Variants in KALRN observed in about 807,000 individuals in gnomAD.
KALRN encodes kalirin RhoGEF kinase, also known as kalirin.
In KALRN, 70 loss-of-function variants were observed where a neutral mutation model predicts 353.7. That is an observed-to-expected ratio of 0.20 (90% CI 0.16 to 0.24). The LOEUF (loss-of-function observed/expected upper bound fraction) is 0.24, where lower values mean the gene tolerates loss of function less well. Among genes scored for constraint, KALRN ranks in the 10% least tolerant of loss-of-function variants. The pLI, the probability that KALRN is intolerant of heterozygous loss-of-function variation, is 1.00. For missense variants in KALRN, 2,791 were observed against 3,756.7 expected (o/e 0.74, Z 6.72); for synonymous variants, 1,391 against 1,434.8 (o/e 0.97, Z 0.69).
At chr3:124,619,306 ATTCC>A (rs2079008068) in intron 34 of KALRN, among the ~76,000 whole-genome samples, 1 of 152,024 alleles carries the variant, frequency 6.6e-6, no homozygotes, top group Non-Finnish European at 1.5e-5. Flanking sequence ...CAGTTTCTTT[ATTCC>A]TTGGTTTGTT....
In KALRN at chr3:124,719,013, T is replaced by C. The variant is rs1365393077; in HGVS notation, c.8504T>C (p.Phe2835Ser). 1 of 1,614,000 alleles carries C rather than the reference T, an allele frequency of 6.2e-7. No homozygotes were observed. The highest frequency in any genetic ancestry group is 8.5e-7 in the Non-Finnish European group (1 of 1,180,020). The stretch of plus-strand genomic sequence containing the variant: ...GATGCTGTCCAGATCTCGGGTCACT[T>C]CCACATTCACCACCTGCTGGGGAAC... ...LEDAVQISGH[F>S]HIHHLLGNPE... Residue 2835 changes from phenylalanine (F) to serine (S), a missense_variant, in exon 60 of 60, where the codon TTC becomes TCC. Phe to Ser is a radical substitution (Grantham distance 155). Transcript: ENST00000682506. The surrounding 1 kb of genome is among the most constrained non-coding windows in gnomAD (Gnocchi z 5.3).
At chr3:124,197,623 T>G (rs573618292) in intron 1 of KALRN, among the ~76,000 whole-genome samples, 1 of 152,140 alleles carries the variant, frequency 6.6e-6, no homozygotes. Flanking sequence ...GTGGACATCT[T>G]GTAAAGATAG....
chr3:124,385,060 G>A (rs867392253), intron 11 of KALRN, 24 bp downstream of exon 11: 3 of 1,556,362 alleles, frequency 1.9e-6, no homozygotes, highest in East Asian at 2.3e-5. Context: ...GTGGAGAGAG[G>A]GCATTCTGTC....
chr3:124,488,162 G>A (rs1339845320), intron 28 of KALRN, 42 bp from the exon 29 acceptor site: 1 of 1,233,454 alleles, frequency 8.1e-7, no homozygotes, highest in Non-Finnish European at 1.2e-6. Flanking sequence ...GAGGAAGCTG[G>A]GGGAGATGGC....
intron 49 of KALRN, among the ~76,000 whole-genome samples, 190 bp from the exon 50 acceptor site, chr3:124,678,000 T>A (rs566919881): frequency 6.6e-6 from 1 of 152,340 alleles, no homozygotes; most frequent in South Asian, 2.1e-4. Context: ...GAGTTCATCC[T>A]TGCTCACTTC....
chr3:124,387,528 G>T lies in KALRN; in HGVS notation c.1962+2492G>T, dbSNP rs2088568279. Among the ~76,000 whole-genome samples, 3 of 152,156 alleles carry T rather than the reference G, an allele frequency of 2.0e-5. No individual in the cohort carries two copies. The South Asian group carries it at 6.2e-4, about 32-fold the overall frequency. On this transcript the variant is annotated intron_variant, in intron 11 of 59. Transcript: ENST00000682506. The stretch of plus-strand genomic sequence containing the variant: ...CTAGGTTGTAGTAAGTACGGAAATT[G>T]ACCCCAGGTCTTTCTGACTCTAAAG...
chr3:124,484,983 C>T (rs1167146769), intron 28 of KALRN, among the ~76,000 whole-genome samples: 9 of 152,122 alleles, frequency 5.9e-5, no homozygotes, highest in Non-Finnish European at 1.2e-4. Flanking sequence ...GTAATCCCAG[C>T]TACTCAGGAG....
chr3:124,542,332 C>G (rs2069123575), intron 33 of KALRN, among the ~76,000 whole-genome samples: 1 of 152,102 alleles, frequency 6.6e-6, no homozygotes, highest in African/African-American at 2.4e-5. Flanking sequence ...AACTTTGAGC[C>G]TCAAATTTCT....
intron 1 of KALRN, among the ~76,000 whole-genome samples, chr3:124,222,696 G>A (rs1161228580): frequency 6.6e-6 from 1 of 152,168 alleles, no homozygotes; most frequent in Non-Finnish European, 1.5e-5. Context: ...CGACCTCCCT[G>A]GCTCAATCAA....
chr3:124,187,370 C>T (rs2074362919), intron 1 of KALRN, among the ~76,000 whole-genome samples: 1 of 152,192 alleles, frequency 6.6e-6, no homozygotes, highest in South Asian at 2.1e-4. Context: ...GTGTGAGCCA[C>T]CATATCTGGC....
intron 5 of KALRN, among the ~76,000 whole-genome samples, chr3:124,271,574 G>T (rs930276079): frequency 1.2e-4 from 19 of 152,130 alleles, no homozygotes; most frequent in African/African-American, 4.6e-4. Context: ...AGGTGAAGTG[G>T]CTGGCCCAAG....
At chr3:124,473,049 C>A (rs866805110) in intron 25 of KALRN, among the ~76,000 whole-genome samples, 44 of 152,118 alleles carry the variant, frequency 2.9e-4, no homozygotes, top group African/African-American at 1.1e-3. Context: ...ATCTATTATC[C>A]CATCAATTAT....
intron 32 of KALRN, 123 bp from the exon 33 acceptor site, chr3:124,496,188 C>A: frequency 1.5e-6 from 1 of 676,638 alleles, no homozygotes. Flanking sequence ...TAATTTTAGA[C>A]AAATCCCTGC....
At chr3:124,628,016 C>T (rs113752157) in intron 34 of KALRN, among the ~76,000 whole-genome samples, 2,173 of 152,274 alleles carry the variant, frequency 0.014, 20 homozygotes, top group Non-Finnish European at 0.024. Context: ...CAAGCAATAT[C>T]CAAGAAAGTT....
intron 1 of KALRN, among the ~76,000 whole-genome samples, chr3:124,057,822 C>T (rs2041687520): frequency 6.6e-6 from 1 of 152,198 alleles, no homozygotes; most frequent in Non-Finnish European, 1.5e-5. Context: ...CAGGTTTATT[C>T]CCTAAGCCTG....
intron 45 of KALRN, among the ~76,000 whole-genome samples, chr3:124,664,224 C>CT (rs1440554376): frequency 6.6e-6 from 1 of 152,082 alleles, no homozygotes; most frequent in African/African-American, 2.4e-5. Context: ...GAACAGGAGT[C>CT]TAACTGTGCT....
chr3:124,157,267 T>G (rs2069135956), intron 1 of KALRN, among the ~76,000 whole-genome samples: 4 of 152,150 alleles, frequency 2.6e-5, no homozygotes. Context: ...ACACAGGCAG[T>G]GGTGGAATAG....
chr3:124,298,520 C>G (rs1032297219), intron 5 of KALRN, among the ~76,000 whole-genome samples: 2 of 152,128 alleles, frequency 1.3e-5, no homozygotes, highest in Non-Finnish European at 2.9e-5. Flanking sequence ...CTTCCTCTCC[C>G]ATCTCCCAAT....
At chr3:124,182,037 A>G (rs920118368) in intron 1 of KALRN, among the ~76,000 whole-genome samples, 4 of 152,248 alleles carry the variant, frequency 2.6e-5, no homozygotes, top group Admixed American at 6.5e-5. Context: ...GCTGATGAAA[A>G]TTATATACAA....
Sources: gnomAD v4.1 joint callset for allele counts (sites outside exome capture counted in the v4.1 genomes callset) on GRCh38, gnomAD v4.1.1 for gene constraint, Gnocchi (gnomAD v3.1) non-coding constraint, MANE v1.5 for transcripts, NCBI Gene and HGNC (gene_info 2026-07-23, HGNC 2026-07-21) for gene names.